The following CACNA2D3 variants were observed in gnomAD, a reference collection of about 807,000 sequenced individuals.
CACNA2D3 encodes the protein voltage-dependent calcium channel subunit alpha-2/delta-3.
Under a neutral mutation model 160.6 loss-of-function variants are expected in CACNA2D3, and 60 were observed. The observed-to-expected ratio is 0.37, with a 90% CI of 0.30 to 0.46. The LOEUF (loss-of-function observed/expected upper bound fraction) is 0.46, where lower values mean the gene tolerates loss of function less well. Among genes scored for constraint, CACNA2D3 ranks in the 20% least tolerant of loss-of-function variants. The pLI is 1.00. For synonymous variants in CACNA2D3, 558 were observed against 492.9 expected (o/e 1.13, Z -1.75); for missense variants, 1,205 against 1,365.0 (o/e 0.88, Z 1.85).
intron 11 of CACNA2D3, among the ~76,000 whole-genome samples, chr3:54,686,720 G>C (rs1436345492): frequency 1.3e-5 from 2 of 152,088 alleles, no homozygotes; most frequent in Non-Finnish European, 2.9e-5. Flanking sequence ...AGTGGATTAT[G>C]CTTTCTCCTT....
At chr3:54,329,334 C>G (rs1027137732) in intron 3 of CACNA2D3, among the ~76,000 whole-genome samples, 17 of 152,178 alleles carry the variant, frequency 1.1e-4, no homozygotes, top group Admixed American at 3.3e-4. Context: ...GATTGACTTA[C>G]AGGCCTTTGT....
At chr3:54,977,392 C>T (rs1177318214) in intron 29 of CACNA2D3, among the ~76,000 whole-genome samples, 8 of 152,194 alleles carry the variant, frequency 5.3e-5, no homozygotes, top group South Asian at 2.1e-4. Context: ...TTCATGAAAT[C>T]TTGCCTCTTT....
intron 10 of CACNA2D3, among the ~76,000 whole-genome samples, chr3:54,635,260 G>A (rs929161231): frequency 2.6e-5 from 4 of 151,992 alleles, no homozygotes; most frequent in Non-Finnish European, 4.4e-5. Context: ...AGAATTGGGA[G>A]GACCTAGGGC....
intron 8 of CACNA2D3, among the ~76,000 whole-genome samples, chr3:54,573,469 G>A (rs867969036): frequency 3.3e-5 from 5 of 152,014 alleles, no homozygotes; most frequent in Non-Finnish European, 5.9e-5. Context: ...CAGTCTTTTC[G>A]CAAAAATGGA....
chr3:55,052,282 T>A (rs545828481), intron 35 of CACNA2D3, among the ~76,000 whole-genome samples: 1 of 152,216 alleles, frequency 6.6e-6, no homozygotes, highest in African/African-American at 2.4e-5. Context: ...TATTTTATTA[T>A]GGTTTGGGAG....
At chr3:54,154,523 C>G (rs1700208154) in intron 2 of CACNA2D3, among the ~76,000 whole-genome samples, 1 of 141,670 alleles carries the variant, frequency 7.1e-6, no homozygotes, top group Admixed American at 6.9e-5. Context: ...ACGCCCCTTA[C>G]TCTTTTTCCC....
At chr3:54,978,002 G>T (rs887149068) in intron 29 of CACNA2D3, among the ~76,000 whole-genome samples, 1 of 152,096 alleles carries the variant, frequency 6.6e-6, no homozygotes, top group Admixed American at 6.5e-5. Context: ...TCTTCCTGAC[G>T]TTGCCATGGC....
chr3:54,149,883 GTCTCTCTCTCTCTCTCTCTC>G (rs554851240), intron 2 of CACNA2D3, among the ~76,000 whole-genome samples: 7 of 60,768 alleles, frequency 1.2e-4, no homozygotes, highest in African/African-American at 2.9e-4. Flanking sequence ...TGAAGTATCT[GTCTCTCTCTCTCTCTCTCTC>G]TCTCTCTCTC....
intron 3 of CACNA2D3, 115 bp from the exon 4 acceptor site, chr3:54,386,600 G>T: frequency 1.1e-6 from 1 of 905,004 alleles, no homozygotes. Context: ...AAAGGCATCA[G>T]ATCACAATGT....
chr3:54,684,431 A>G (rs894706097), intron 11 of CACNA2D3, among the ~76,000 whole-genome samples: 2 of 152,188 alleles, frequency 1.3e-5, no homozygotes, highest in Admixed American at 6.5e-5. Context: ...AATTCAGCCA[A>G]CAGCAAACAC....
chr3:54,734,374 G>A (rs1207443186), intron 11 of CACNA2D3, among the ~76,000 whole-genome samples: 2 of 152,198 alleles, frequency 1.3e-5, no homozygotes, highest in Non-Finnish European at 1.5e-5. Context: ...CAAGGGTAGA[G>A]CATCTTCGCA....
At chr3:54,872,192 T>TG (rs1327245525) in intron 18 of CACNA2D3, among the ~76,000 whole-genome samples, 1 of 152,172 alleles carries the variant, frequency 6.6e-6, no homozygotes, top group Non-Finnish European at 1.5e-5. Flanking sequence ...CCATGCTTTT[T>TG]CCCCACGTAG....
intron 9 of CACNA2D3, among the ~76,000 whole-genome samples, chr3:54,593,852 A>G (rs1702905002): frequency 6.6e-6 from 1 of 152,198 alleles, no homozygotes; most frequent in Admixed American, 6.5e-5. Flanking sequence ...CATAATGCAA[A>G]ATAGTTCCTA....
intron 35 of CACNA2D3, among the ~76,000 whole-genome samples, chr3:55,065,743 G>A (rs1223974530): frequency 6.6e-6 from 1 of 151,494 alleles, no homozygotes; most frequent in Non-Finnish European, 1.5e-5. Context: ...GAAGGAAAGG[G>A]AAGGAAAGGA....
At chr3:54,293,011 T>C (rs1330913545) in intron 2 of CACNA2D3, among the ~76,000 whole-genome samples, 3 of 152,196 alleles carry the variant, frequency 2.0e-5, no homozygotes, top group Admixed American at 2.0e-4. Context: ...AATGAATTTT[T>C]CATACATGCT....
chr3:54,857,071 A>G (rs762357776), intron 17 of CACNA2D3, among the ~76,000 whole-genome samples: 3 of 152,166 alleles, frequency 2.0e-5, no homozygotes, highest in Admixed American at 6.5e-5. Context: ...GTGAGCCACC[A>G]TGCCTGGCCA....
intron 11 of CACNA2D3, among the ~76,000 whole-genome samples, chr3:54,711,232 CTG>C (rs1700946668): frequency 6.6e-6 from 1 of 152,192 alleles, no homozygotes; most frequent in African/African-American, 2.4e-5. Context: ...GTACGTAAGA[CTG>C]TGCCTCAGCG....
intron 4 of CACNA2D3, among the ~76,000 whole-genome samples, chr3:54,467,054 A>G (rs2106862545): frequency 6.6e-6 from 1 of 152,316 alleles, no homozygotes; most frequent in Middle Eastern, 3.4e-3. Context: ...ATTTTTTGGT[A>G]TGTCGTCTTT....
At chr3:54,929,178 C>A (rs951595433) in intron 27 of CACNA2D3, among the ~76,000 whole-genome samples, 1 of 152,184 alleles carries the variant, frequency 6.6e-6, no homozygotes, top group African/African-American at 2.4e-5. Flanking sequence ...AGGCAAGTGA[C>A]TTACCCACCC....
Sources: gnomAD v4.1 joint callset for allele counts (sites outside exome capture counted in the v4.1 genomes callset) on GRCh38, gnomAD v4.1.1 for gene constraint, MANE v1.5 for transcripts, NCBI Gene and HGNC (gene_info 2026-07-23, HGNC 2026-07-21) for gene names.